Variants in DMD observed in about 807,000 individuals in gnomAD.
DMD encodes the protein dystrophin.
DMD carries 63 observed loss-of-function variants against 330.1 expected under a neutral mutation model. The observed-to-expected ratio is 0.19, with a 90% CI of 0.16 to 0.24. DMD has a LOEUF of 0.24. DMD is among the 10% of genes least tolerant of loss of function. The probability of loss-of-function intolerance (pLI) is 1.00; values close to 1 mark genes in which losing one functional copy is unlikely to be tolerated. For missense variants in DMD, 3,344 were observed against 2,684.1 expected (o/e 1.25, Z -5.43); for synonymous variants, 1,223 against 959.8 (o/e 1.27, Z -5.07).
At chrX:33,090,876 C>T (rs1367757701) in intron 1 of DMD, among the ~76,000 whole-genome samples, 1 of 110,516 alleles carries the variant, frequency 9.0e-6, no homozygotes, top group African/African-American at 3.3e-5. Flanking sequence ...CTCATAAGAA[C>T]AATTTGTGTT....
intron 7 of DMD, among the ~76,000 whole-genome samples, chrX:32,795,804 ATAAG>A (rs1325737442): frequency 8.9e-6 from 1 of 111,855 alleles, no homozygotes; most frequent in Non-Finnish European, 1.9e-5. Flanking sequence ...AAGGACAATA[ATAAG>A]TATTTCTCAA....
chrX:31,908,092 C>T (rs7892064), intron 47 of DMD, among the ~76,000 whole-genome samples: 5,454 of 111,731 alleles, frequency 0.049, 316 homozygotes, highest in African/African-American at 0.16. Context: ...TGTGGAGAAA[C>T]AGGAACACTT....
At chrX:32,615,080 C>T (rs746834555) in intron 11 of DMD, among the ~76,000 whole-genome samples, 2 of 111,284 alleles carry the variant, frequency 1.8e-5, no homozygotes, top group Admixed American at 9.6e-5. Flanking sequence ...TAGAAGTGAG[C>T]TTCCAGCTCA....
intron 2 of DMD, among the ~76,000 whole-genome samples, chrX:32,958,967 G>A (rs1418819872): frequency 9.2e-6 from 1 of 109,245 alleles, no homozygotes; most frequent in Non-Finnish European, 1.9e-5. Context: ...TTTTGGGGGG[G>A]GATGAGGGGT....
intron 30 of DMD, among the ~76,000 whole-genome samples, chrX:32,409,524 C>T (rs982326128): frequency 9.0e-6 from 1 of 111,464 alleles, no homozygotes; most frequent in Admixed American, 9.6e-5. Flanking sequence ...CACAGTGCCC[C>T]TTATCACAAC....
intron 51 of DMD, among the ~76,000 whole-genome samples, chrX:31,745,262 C>G (rs1242927872): frequency 9.0e-6 from 1 of 110,969 alleles, no homozygotes; most frequent in Non-Finnish European, 1.9e-5. Context: ...GGAAGGGCAG[C>G]TGTGTAATTA....
chrX:32,848,253 C>T (rs746535723), intron 3 of DMD, among the ~76,000 whole-genome samples: 4 of 111,677 alleles, frequency 3.6e-5, no homozygotes, highest in African/African-American at 9.8e-5. Flanking sequence ...CTTCTGTATT[C>T]GGTAACAAAG....
chrX:32,670,666 T>C (rs149471099), intron 9 of DMD, among the ~76,000 whole-genome samples: 3,148 of 112,176 alleles, frequency 0.028, 126 homozygotes, highest in African/African-American at 0.097. Flanking sequence ...CCTTGTTCTA[T>C]TTGGAATTTT....
intron 7 of DMD, among the ~76,000 whole-genome samples, chrX:32,730,598 G>A (rs370081086): frequency 1.2e-4 from 14 of 112,066 alleles, no homozygotes; most frequent in African/African-American, 4.2e-4. Flanking sequence ...TAAGCTTAAA[G>A]TAGTAAGAGA....
At chrX:32,604,040 C>A (rs748180513) in intron 12 of DMD, among the ~76,000 whole-genome samples, 1 of 110,483 alleles carries the variant, frequency 9.1e-6, no homozygotes, top group Non-Finnish European at 1.9e-5. Context: ...GGTAAGGACA[C>A]AACAAAAAGG....
chrX:32,040,152 G>T (rs766111954), intron 44 of DMD, among the ~76,000 whole-genome samples: 1 of 111,676 alleles, frequency 9.0e-6, no homozygotes, highest in East Asian at 2.8e-4. Context: ...ATATTATTGG[G>T]CATGTACATT....
intron 59 of DMD, among the ~76,000 whole-genome samples, chrX:31,458,593 A>C (rs1430985084): frequency 9.1e-6 from 1 of 109,618 alleles, no homozygotes; most frequent in Non-Finnish European, 1.9e-5. Context: ...ACTAACAGAT[A>C]TATTTAATAG....
rs1357604160 is a variant in DMD, at chrX:32,335,755, AACATG to A, written c.5922+6340_5922+6344del. ...ACGTAGAACATGTGTATATAGGCAT[AACATG>A]TATATATAAAACGTTATATATGTAT... On this transcript the variant is annotated intron_variant, in intron 41 of 78. Transcript: ENST00000357033. Among the ~76,000 whole-genome samples the A allele has an allele frequency of 3.7e-5, 3 of 80,196 alleles. No individual in the cohort carries two copies. The Admixed American group carries it at 4.3e-4, about 11-fold the overall frequency. The allele number at this position is 80,196 out of a possible 115,157, so 69.6% of individuals were successfully genotyped here.
intron 9 of DMD, among the ~76,000 whole-genome samples, chrX:32,660,099 A>T (rs752549728): frequency 9.0e-6 from 1 of 111,560 alleles, no homozygotes; most frequent in South Asian, 3.8e-4. Flanking sequence ...TGTCCCATAG[A>T]CAACTAAAGC....
At chrX:32,096,246 C>T (rs764512639) in intron 44 of DMD, among the ~76,000 whole-genome samples, 168 of 111,872 alleles carry the variant, frequency 1.5e-3, no homozygotes, top group Non-Finnish European at 2.3e-3. Flanking sequence ...ATGTAACACG[C>T]CCAATGCCCC....
intron 54 of DMD, among the ~76,000 whole-genome samples, chrX:31,638,338 T>C (rs1053965255): frequency 1.8e-5 from 2 of 111,408 alleles, no homozygotes; most frequent in African/African-American, 6.5e-5. Flanking sequence ...TTATCACCCA[T>C]AAGTTTGATG....
At chrX:31,226,812 A>G (rs1460417097) in intron 63 of DMD, among the ~76,000 whole-genome samples, 1 of 111,765 alleles carries the variant, frequency 8.9e-6, no homozygotes, top group Non-Finnish European at 1.9e-5. Flanking sequence ...CACACTCATC[A>G]TTGAGTCCCT....
At chrX:31,956,942 G>T (rs1039772539) in intron 45 of DMD, among the ~76,000 whole-genome samples, 1 of 112,244 alleles carries the variant, frequency 8.9e-6, no homozygotes, top group Non-Finnish European at 1.9e-5. Context: ...ATGAGTGACA[G>T]AATTATAAGG....
At chrX:33,276,238 A>T (rs2053232915) in intron 1 of DMD, among the ~76,000 whole-genome samples, 1 of 111,794 alleles carries the variant, frequency 8.9e-6, no homozygotes, top group Admixed American at 9.6e-5. Flanking sequence ...GTTTAAATTC[A>T]GGTTCCAGTG....
Sources: gnomAD v4.1 joint callset for allele counts (sites outside exome capture counted in the v4.1 genomes callset) on GRCh38, gnomAD v4.1.1 for gene constraint, MANE v1.5 for transcripts, NCBI Gene and HGNC (gene_info 2026-07-23, HGNC 2026-07-21) for gene names.